The following SYT7 variants were observed in gnomAD, a reference collection of about 807,000 sequenced individuals.
The protein encoded by SYT7 is synaptotagmin 7.
Under a neutral mutation model 75.1 loss-of-function variants are expected in SYT7, and 29 were observed. The ratio of observed to expected loss-of-function variants is 0.39; its 90% CI spans 0.29 to 0.53. The LOEUF is 0.53. Among genes scored for constraint, SYT7 ranks in the 20% least tolerant of loss-of-function variants. The pLI, the probability that SYT7 is intolerant of heterozygous loss-of-function variation, is 0.77. For missense variants in SYT7, 693 were observed against 953.2 expected, an observed-to-expected ratio of 0.73 and a Z score of 3.59; for synonymous variants, 376 against 401.7, an observed-to-expected ratio of 0.94 and a Z score of 0.76.
rs1472351542 is a variant in SYT7 at position 61,524,770 on chromosome 11, C to T, written c.1472-238G>A. On this transcript the variant is annotated intron_variant, in intron 9 of 12. Transcript: ENST00000539008. This position sits in a 1 kb window ranked among gnomAD's most constrained non-coding sequence, Gnocchi z 4.1. ...GGTGAATGGCATCTCGTCCATCTTA[C>T]AGATGAGGCTCAGACGGCTTAAAGT... is the stretch of plus-strand genomic sequence containing the variant. 8.5e-6 allele frequency: 4 copies of T among 468,292 alleles called. No individual in the cohort carries two copies. The highest frequency in any genetic ancestry group is 2.0e-5 in the African/African-American group (1 of 49,606). 29.0% of individuals were successfully genotyped at this position (468,292 alleles called of 1,614,324 possible). A position where few individuals can be genotyped will look rare whatever the true frequency, so the allele number is the denominator to read the frequency against.
chr11:61,541,962 G>T (rs928735470), intron 6 of SYT7, among the ~76,000 whole-genome samples: 2 of 152,160 alleles, frequency 1.3e-5, no homozygotes, highest in Non-Finnish European at 1.5e-5. Flanking sequence ...CTTTTAGGGG[G>T]AACTTCCCTG....
intron 8 of SYT7, among the ~76,000 whole-genome samples, chr11:61,528,406 C>T (rs751901119): frequency 4.6e-5 from 7 of 152,136 alleles, no homozygotes; most frequent in Non-Finnish European, 8.8e-5. Context: ...TCTCCTGAAC[C>T]TCAGAGTGGT....
Position 61,546,513 on chromosome 11 carries a change from T to C in SYT7, c.348-258A>G, listed in dbSNP as rs1590889819. ...GAGGAGAGAGGGGGACCGGGCGGGC[T>C]GGGGGTCGGAGAACAACGCACCACG... is the stretch of plus-strand genomic sequence containing the variant. On this transcript the variant is annotated intron_variant, in intron 4 of 12. Coordinates refer to ENST00000539008, the MANE Select transcript of SYT7 (RefSeq NM_001365809.2). The surrounding 1 kb of genome is among the most constrained non-coding windows in gnomAD (Gnocchi z 7.6). The C allele has an allele frequency of 9.3e-6, 3 of 321,864 alleles. No individual in the cohort carries two copies. In the Admixed American group the frequency reaches 1.4e-4, roughly 15 times the overall value. 19.9% of individuals were successfully genotyped at this position (321,864 alleles called of 1,614,324 possible). A position where few individuals can be genotyped will look rare whatever the true frequency, so the allele number is the denominator to read the frequency against.
chr11:61,542,477 C>T lies in SYT7; in HGVS notation c.675G>A (p.Gln225=). The T allele has an allele frequency of 6.5e-7, 1 of 1,533,060 alleles. No homozygotes were observed. Among genetic ancestry groups the T allele is most frequent in the Non-Finnish European group, 8.7e-7 (1 of 1,146,096 alleles). 95.0% of individuals were successfully genotyped at this position (1,533,060 alleles called of 1,614,324 possible). The change falls in exon 6 of 13, where the codon CAG becomes CAA. Residue 225 remains glutamine (Q), a synonymous_variant. Transcript: ENST00000539008. The surrounding 1 kb of genome is among the most constrained non-coding windows in gnomAD (Gnocchi z 7.8). Reference sequence around the variant, plus strand: ...GCTGGCTCAGCGGCTGTTGCAGGCTCTGCTGCCGCATCAGGGTGCGGGGTC... The same window carrying T: ...GCTGGCTCAGCGGCTGTTGCAGGCTTTGCTGCCGCATCAGGGTGCGGGGTC... ...CQRPRTLMRQ[Q]SLQQPLSQHQ... is the part of the protein sequence containing the mutation.
chr11:61,569,849 G>C (rs2063873086), intron 1 of SYT7, among the ~76,000 whole-genome samples: 1 of 152,172 alleles, frequency 6.6e-6, no homozygotes, highest in Admixed American at 6.5e-5. Flanking sequence ...CATTGTCCTT[G>C]AGCTTCCCCC....
At chr11:61,540,566 G>A (rs2063011569) in intron 6 of SYT7, 1 of 985,518 alleles carries the variant, frequency 1.0e-6, no homozygotes, top group Non-Finnish European at 1.2e-6. Flanking sequence ...ACTTGTCCTG[G>A]GGCACAGAGC....
chr11:61,581,687 C>G (rs1396908997), upstream of SYT7, among the ~76,000 whole-genome samples: 1 of 152,246 alleles, frequency 6.6e-6, no homozygotes, highest in Non-Finnish European at 1.5e-5. Flanking sequence ...TCCCTGCCCT[C>G]GGTAGGAGGT....
chr11:61,566,829 T>A lies in SYT7; in HGVS notation c.32-10622A>T, dbSNP rs559773824. Among the ~76,000 whole-genome samples the A allele has an allele frequency of 1.2e-4, 18 of 152,370 alleles. No individual in the cohort carries two copies. In the South Asian group the frequency reaches 3.5e-3, roughly 30 times the overall value. The stretch of plus-strand genomic sequence containing the variant: ...AAGCTGGGGTTGGAACTGTATGCTA[T>A]GTTTCATTTGAGGATCTCAGAGCAC... On this transcript the variant is annotated intron_variant, in intron 1 of 12. Transcript: ENST00000539008.
Position 61,524,269 on chromosome 11 carries a change from T to C in SYT7, c.1641+94A>G, listed in dbSNP as rs2062441228. ...CCATCTGCACCCTCTCCCACAGCCCTCCTGGCCTTCCTAAGGTTGACAAGG... is the reference window on the plus strand; with the variant it reads ...CCATCTGCACCCTCTCCCACAGCCCCCCTGGCCTTCCTAAGGTTGACAAGG... On this transcript the variant is annotated intron_variant, in intron 10 of 12. Coordinates refer to ENST00000539008, the MANE Select transcript of SYT7 (RefSeq NM_001365809.2). This position sits in a 1 kb window ranked among gnomAD's most constrained non-coding sequence, Gnocchi z 4.1. 2.0e-6 allele frequency: 3 copies of C among 1,483,254 alleles called. No individual in the cohort carries two copies. Among genetic ancestry groups the C allele is most frequent in the Non-Finnish European group, 2.7e-6 (3 of 1,093,708 alleles). The allele number at this position is 1,483,254 out of a possible 1,614,324, so 91.9% of individuals were successfully genotyped here.
intron 6 of SYT7, 80 bp from the exon 7 acceptor site, chr11:61,538,346 GGAGAGAGAGAGAGAGAGA>G (rs58071370): frequency 4.9e-5 from 10 of 203,236 alleles, no homozygotes; most frequent in Admixed American, 8.3e-5. Context: ...GGAGAGAGAG[GGAGAGAGAGAGAGAGAGA>G]GAGAGAGAGA....
At position 61,514,999 on chromosome 11, in the gene SYT7, G is replaced by A. The variant is rs558191028; in HGVS notation, c.*3628C>T. On this transcript the variant is annotated 3_prime_UTR_variant, in exon 13 of 13. Transcript: ENST00000539008. ...TCCTCTGGGAACTGAGGGAGGGGACGTCAGGCTGGGTGACCCTGGAGGGCA... is the reference window on the plus strand; with the variant it reads ...TCCTCTGGGAACTGAGGGAGGGGACATCAGGCTGGGTGACCCTGGAGGGCA... Among the ~76,000 whole-genome samples the A allele has an allele frequency of 1.3e-5, 2 of 152,286 alleles. No homozygotes were observed. Among genetic ancestry groups the A allele is most frequent in the South Asian group, 2.1e-4 (1 of 4,830 alleles).
chr11:61,536,757 C>T (rs1456848387), intron 7 of SYT7, among the ~76,000 whole-genome samples: 1 of 152,190 alleles, frequency 6.6e-6, no homozygotes, highest in South Asian at 2.1e-4. Context: ...CAGGAGCCAC[C>T]AGAGGGACAG....
rs137925575 is a variant in SYT7 at position 61,571,185 on chromosome 11, G to A, written c.31+9605C>T. ...AGAACCCTCTCAGCCCCTGCTTGGCGCCCCAGCGATGTGTGCCCATGTGCC... is the reference window on the plus strand; with the variant it reads ...AGAACCCTCTCAGCCCCTGCTTGGCACCCCAGCGATGTGTGCCCATGTGCC... On this transcript the variant is annotated intron_variant, in intron 1 of 12. Coordinates refer to ENST00000539008, the MANE Select transcript of SYT7 (RefSeq NM_001365809.2). Among the ~76,000 whole-genome samples, 18 of 152,234 alleles carry A rather than the reference G, an allele frequency of 1.2e-4. No homozygotes were observed. The East Asian group carries it at 3.3e-3, about 28-fold the overall frequency.
intron 1 of SYT7, among the ~76,000 whole-genome samples, chr11:61,571,502 G>A (rs2063919643): frequency 1.3e-5 from 2 of 152,212 alleles, no homozygotes; most frequent in Admixed American, 1.3e-4. Flanking sequence ...CAGCCATGTG[G>A]CAGTGACGTG....
At position 61,576,730 on chromosome 11, in the gene SYT7, G is replaced by T. The variant is rs889752781; in HGVS notation, c.31+4060C>A. ...GGGTGGGTGGGGAGTAGGATGGGGG[G>T]ACTCAGGAGGGGCAGGAGGGGGAGG... On this transcript the variant is annotated intron_variant, in intron 1 of 12. Coordinates refer to ENST00000539008, the MANE Select transcript of SYT7 (RefSeq NM_001365809.2). This position sits in a 1 kb window ranked among gnomAD's most constrained non-coding sequence, Gnocchi z 4.1. 1.8e-5 allele frequency among the ~76,000 whole-genome samples: 2 copies of T among 112,926 alleles called. No homozygotes were observed. Among genetic ancestry groups the T allele is most frequent in the African/African-American group, 6.6e-5 (2 of 30,296 alleles). 74.1% of individuals were successfully genotyped at this position (112,926 alleles called of 152,430 possible). A position where few individuals can be genotyped will look rare whatever the true frequency, so the allele number is the denominator to read the frequency against.
At chr11:61,547,907 C>T (rs1454175422) in intron 3 of SYT7, among the ~76,000 whole-genome samples, 1 of 152,256 alleles carries the variant, frequency 6.6e-6, no homozygotes, top group African/African-American at 2.4e-5. Flanking sequence ...TCTCCTCTTC[C>T]ACCTTCTCCC....
chr11:61,522,187 C>CTTTT (rs60616538), intron 12 of SYT7, among the ~76,000 whole-genome samples: 1 of 114,256 alleles, frequency 8.8e-6, no homozygotes, highest in African/African-American at 3.4e-5. Context: ...GAAGAGATCA[C>CTTTT]TTTTTTTTTT....
At chr11:61,528,886 T>C (rs1490932741) in intron 8 of SYT7, among the ~76,000 whole-genome samples, 4 of 152,048 alleles carry the variant, frequency 2.6e-5, no homozygotes, top group African/African-American at 7.2e-5. Context: ...GTACCGTCCA[T>C]GGGGGCTGAG....
chr11:61,547,132 C>A, intron 4 of SYT7, 45 bp downstream of exon 4: 1 of 1,528,710 alleles, frequency 6.5e-7, no homozygotes, highest in Non-Finnish European at 8.7e-7. Flanking sequence ...GGAGGGCGTG[C>A]GCGGATACTC....
Sources: allele counts gnomAD v4.1 joint callset (sites outside exome capture counted in the v4.1 genomes callset), GRCh38; gene constraint gnomAD v4.1.1; non-coding constraint Gnocchi (gnomAD v3.1); transcripts MANE v1.5; gene names NCBI Gene and HGNC (gene_info 2026-07-23, HGNC 2026-07-21).